Variants in KIAA1328 observed in about 807,000 individuals in gnomAD.
The protein encoded by KIAA1328 is KIAA1328.
A neutral mutation model predicts 68.1 loss-of-function variants in KIAA1328; 52 were observed. That is an observed-to-expected ratio of 0.76 (90% CI 0.61 to 0.96). The LOEUF (loss-of-function observed/expected upper bound fraction) is 0.96. KIAA1328 is among the 40% of genes least tolerant of loss of function. The pLI, the probability that KIAA1328 is intolerant of heterozygous loss-of-function variation, is 0.00. For missense variants in KIAA1328, 641 were observed against 677.6 expected (o/e 0.95, Z 0.60); for synonymous variants, 232 against 239.4 (o/e 0.97, Z 0.28).
intron 9 of KIAA1328, among the ~76,000 whole-genome samples, chr18:37,213,290 C>T (rs1383466288): frequency 6.6e-6 from 1 of 152,054 alleles, no homozygotes; most frequent in Non-Finnish European, 1.5e-5. Flanking sequence ...TAATGCTATC[C>T]CTCCCCGCTC....
chr18:37,012,848 AT>A (rs1568290229), intron 6 of KIAA1328, among the ~76,000 whole-genome samples: 1 of 152,128 alleles, frequency 6.6e-6, no homozygotes, highest in Non-Finnish European at 1.5e-5. Context: ...AAGCATAGCT[AT>A]TTCTTTCTTT....
At chr18:37,085,286 T>G (rs915680216) in intron 7 of KIAA1328, among the ~76,000 whole-genome samples, 1 of 152,154 alleles carries the variant, frequency 6.6e-6, no homozygotes, top group Non-Finnish European at 1.5e-5. Flanking sequence ...AGGCAAAGTC[T>G]GGTTCTCACT....
chr18:37,028,316 C>G (rs1394428087), intron 6 of KIAA1328, among the ~76,000 whole-genome samples: 1 of 152,030 alleles, frequency 6.6e-6, no homozygotes, highest in Non-Finnish European at 1.5e-5. Flanking sequence ...GGATTGCATT[C>G]TTGATTTGGC....
intron 5 of KIAA1328, among the ~76,000 whole-genome samples, chr18:36,940,249 C>A (rs922742573): frequency 6.6e-6 from 1 of 152,148 alleles, no homozygotes; most frequent in Non-Finnish European, 1.5e-5. Flanking sequence ...ATAAGGTACA[C>A]GTTAATCACC....
At chr18:37,073,320 G>C (rs568712757) in intron 7 of KIAA1328, among the ~76,000 whole-genome samples, 1 of 151,806 alleles carries the variant, frequency 6.6e-6, no homozygotes, top group Non-Finnish European at 1.5e-5. Context: ...TTTACAAGAG[G>C]AAAAACAACC....
chr18:36,860,724 A>C (rs143523447), intron 4 of KIAA1328, among the ~76,000 whole-genome samples: 10 of 152,276 alleles, frequency 6.6e-5, no homozygotes, highest in African/African-American at 2.2e-4. Context: ...AAGCTTACAG[A>C]AAAATTGTAA....
At chr18:37,212,010 A>G (rs1265227253) in intron 9 of KIAA1328, among the ~76,000 whole-genome samples, 1 of 152,192 alleles carries the variant, frequency 6.6e-6, no homozygotes, top group East Asian at 1.9e-4. Context: ...ATGAAATTGG[A>G]TAGAAAAGTG....
intron 7 of KIAA1328, among the ~76,000 whole-genome samples, chr18:37,155,472 C>T (rs2059132905): frequency 6.6e-6 from 1 of 152,188 alleles, no homozygotes; most frequent in Admixed American, 6.5e-5. Context: ...TCTCTTACAT[C>T]AAGTTCTACC....
At chr18:37,061,506 G>A (rs2056146420) in intron 6 of KIAA1328, among the ~76,000 whole-genome samples, 2 of 152,126 alleles carry the variant, frequency 1.3e-5, no homozygotes, top group African/African-American at 4.8e-5. Flanking sequence ...TAAAAAAATT[G>A]TGGTTTCTAA....
intron 7 of KIAA1328, among the ~76,000 whole-genome samples, chr18:37,101,829 C>T (rs1485125632): frequency 6.6e-6 from 1 of 152,194 alleles, no homozygotes; most frequent in East Asian, 1.9e-4. Flanking sequence ...TGGGCAGAAA[C>T]TCTACAAGCC....
At chr18:37,092,447 G>T (rs970308060) in intron 7 of KIAA1328, among the ~76,000 whole-genome samples, 1 of 151,882 alleles carries the variant, frequency 6.6e-6, no homozygotes, top group South Asian at 2.1e-4. Context: ...GCTTGCAGCT[G>T]ATGGCACTTG....
At chr18:36,897,878 CT>C (rs2048915395) in intron 5 of KIAA1328, among the ~76,000 whole-genome samples, 1 of 151,964 alleles carries the variant, frequency 6.6e-6, no homozygotes, top group South Asian at 2.1e-4. Flanking sequence ...GCTAAGGCAG[CT>C]TTTTCCCCCA....
chr18:37,190,332 T>C (rs998703935), intron 9 of KIAA1328, among the ~76,000 whole-genome samples: 1 of 152,210 alleles, frequency 6.6e-6, no homozygotes, highest in African/African-American at 2.4e-5. Flanking sequence ...TAAAAATCAC[T>C]GCTATAAAAT....
chr18:37,171,842 G>A (rs2059505637), intron 8 of KIAA1328, among the ~76,000 whole-genome samples: 1 of 152,158 alleles, frequency 6.6e-6, no homozygotes, highest in Admixed American at 6.5e-5. Context: ...CCAGGAGGTC[G>A]AGGTTGCAGT....
At chr18:36,994,294 G>A (rs1162204942) in intron 6 of KIAA1328, among the ~76,000 whole-genome samples, 1 of 152,152 alleles carries the variant, frequency 6.6e-6, no homozygotes, top group Non-Finnish European at 1.5e-5. Context: ...GGTTTCTGTT[G>A]AATGAATGCA....
chr18:37,181,495 G>A (rs770294582), intron 9 of KIAA1328, among the ~76,000 whole-genome samples: 5 of 151,944 alleles, frequency 3.3e-5, no homozygotes, highest in Non-Finnish European at 5.9e-5. Flanking sequence ...GGCTAATACT[G>A]TAATTCCCAC....
chr18:36,921,935 T>A (rs1028471453), intron 5 of KIAA1328, among the ~76,000 whole-genome samples: 9 of 150,456 alleles, frequency 6.0e-5, no homozygotes, highest in East Asian at 1.9e-4. Context: ...TTGAAAATAT[T>A]TTTTTTTTTG....
intron 1 of KIAA1328, chr18:36,833,174 A>C (rs2046555228): frequency 1.3e-5 from 2 of 152,190 alleles, no homozygotes; most frequent in Admixed American, 6.5e-5. Context: ...GTGGAGAAAA[A>C]ATAAAGCAGG....
chr18:37,181,612 G>A (rs905573845), intron 9 of KIAA1328, among the ~76,000 whole-genome samples: 3 of 152,126 alleles, frequency 2.0e-5, no homozygotes, highest in African/African-American at 7.2e-5. Flanking sequence ...TAATAACGAT[G>A]TAGCAAATTC....
Sources: gnomAD v4.1 joint callset for allele counts (sites outside exome capture counted in the v4.1 genomes callset) on GRCh38, gnomAD v4.1.1 for gene constraint, MANE v1.5 for transcripts, NCBI Gene and HGNC (gene_info 2026-07-23, HGNC 2026-07-21) for gene names.